Variants in HCN1 observed in about 807,000 individuals in gnomAD.
HCN1 encodes the protein potassium/sodium hyperpolarization-activated cyclic nucleotide-gated channel 1.
In HCN1, 13 loss-of-function variants were observed where a neutral mutation model predicts 78.9. The observed-to-expected ratio is 0.16, with a 90% confidence interval of 0.11 to 0.26. The LOEUF is 0.26. HCN1 is among the 10% of genes least tolerant of loss of function. The pLI is 1.00. For synonymous variants in HCN1, 552 were observed against 455.5 expected (o/e 1.21, Z -2.70); for missense variants, 810 against 1,154.3 (o/e 0.70, Z 4.32).
intron 2 of HCN1, among the ~76,000 whole-genome samples, chr5:45,606,246 C>T (rs945699020): frequency 1.2e-4 from 18 of 151,850 alleles, no homozygotes; most frequent in African/African-American, 4.1e-4. Context: ...TTGTTTTAGA[C>T]AGTATAACAA....
chr5:45,306,253 G>T (rs1434471632), intron 5 of HCN1, among the ~76,000 whole-genome samples: 2 of 151,930 alleles, frequency 1.3e-5, no homozygotes, highest in African/African-American at 4.8e-5. Flanking sequence ...TTTGTACCTT[G>T]ATTTGAACTA....
At chr5:45,538,209 A>C (rs1340953324) in intron 2 of HCN1, among the ~76,000 whole-genome samples, 1 of 152,174 alleles carries the variant, frequency 6.6e-6, no homozygotes, top group East Asian at 1.9e-4. Flanking sequence ...CAATTTAGAA[A>C]TATTAAATTC....
intron 2 of HCN1, among the ~76,000 whole-genome samples, chr5:45,610,060 A>G (rs1454568043): frequency 3.9e-5 from 6 of 152,196 alleles, no homozygotes; most frequent in Non-Finnish European, 8.8e-5. Context: ...ACTCATGAAC[A>G]CAGTTTAAAT....
intron 6 of HCN1, among the ~76,000 whole-genome samples, chr5:45,287,515 T>G (rs1745291591): frequency 6.6e-6 from 1 of 152,084 alleles, no homozygotes; most frequent in Non-Finnish European, 1.5e-5. Flanking sequence ...CTTAGCACAA[T>G]GCCTGGCACA....
intron 3 of HCN1, among the ~76,000 whole-genome samples, chr5:45,453,629 C>T (rs575825412): frequency 6.6e-6 from 1 of 152,184 alleles, no homozygotes; most frequent in East Asian, 1.9e-4. Context: ...TGGGTTCATC[C>T]TTAATCCAAG....
intron 2 of HCN1, among the ~76,000 whole-genome samples, chr5:45,610,271 T>C (rs1020119410): frequency 1.3e-5 from 2 of 152,006 alleles, no homozygotes; most frequent in African/African-American, 4.8e-5. Context: ...ACAAAGGACA[T>C]TGAAGTAAAT....
chr5:45,392,158 G>C (rs999882860), intron 4 of HCN1, among the ~76,000 whole-genome samples: 1 of 152,096 alleles, frequency 6.6e-6, no homozygotes, highest in East Asian at 1.9e-4. Context: ...TATTGCAAAT[G>C]GGATTTGAAT....
chr5:45,332,950 T>C (rs1262628025), intron 5 of HCN1, among the ~76,000 whole-genome samples: 2 of 151,802 alleles, frequency 1.3e-5, no homozygotes, highest in Non-Finnish European at 2.9e-5. Context: ...GCAACAAACA[T>C]GGAAGTGCAG....
At chr5:45,282,583 C>T (rs1745190492) in intron 6 of HCN1, among the ~76,000 whole-genome samples, 1 of 152,154 alleles carries the variant, frequency 6.6e-6, no homozygotes, top group South Asian at 2.1e-4. Flanking sequence ...TTTCAAATTC[C>T]TTAATCTGGC....
intron 6 of HCN1, among the ~76,000 whole-genome samples, chr5:45,282,803 A>G (rs781592239): frequency 2.0e-5 from 3 of 152,132 alleles, no homozygotes; most frequent in Non-Finnish European, 2.9e-5. Flanking sequence ...TCTTTTCTTC[A>G]GTGTGTAGTG....
chr5:45,479,932 T>G (rs1741611495), intron 2 of HCN1, among the ~76,000 whole-genome samples: 1 of 152,176 alleles, frequency 6.6e-6, no homozygotes, highest in Non-Finnish European at 1.5e-5. Context: ...AAAAACAGAT[T>G]AAGCTTTCCA....
At position 45,549,790 on chromosome 5, in the gene HCN1, C is replaced by T. The variant is rs932014525; in HGVS notation, c.850-87783G>A. On this transcript the variant is annotated intron_variant, in intron 2 of 7. Coordinates refer to ENST00000303230, the MANE Select transcript of HCN1 (RefSeq NM_021072.4). Reference sequence around the variant, plus strand: ...ATCCAGAATCTACAAAGAACTCAAACAAATTTACAAGAAAAAAGCAAACAA... The same window carrying T: ...ATCCAGAATCTACAAAGAACTCAAATAAATTTACAAGAAAAAAGCAAACAA... Among the ~76,000 whole-genome samples, 5 of 152,208 alleles carry T rather than the reference C, an allele frequency of 3.3e-5. No homozygotes were observed. The South Asian group carries it at 1.0e-3, about 32-fold the overall frequency.
chr5:45,492,026 C>T (rs1579927296), intron 2 of HCN1, among the ~76,000 whole-genome samples: 2 of 152,190 alleles, frequency 1.3e-5, no homozygotes, highest in Non-Finnish European at 2.9e-5. Context: ...TGTCCAACCT[C>T]ATCTAAAAAT....
chr5:45,483,428 T>C (rs1741694025), intron 2 of HCN1, among the ~76,000 whole-genome samples: 2 of 152,308 alleles, frequency 1.3e-5, no homozygotes, highest in South Asian at 4.1e-4. Flanking sequence ...CATCTTCTTT[T>C]GAGAAGTTCA....
At chr5:45,275,819 G>A (rs981028977) in intron 6 of HCN1, among the ~76,000 whole-genome samples, 1 of 151,856 alleles carries the variant, frequency 6.6e-6, no homozygotes, top group African/African-American at 2.4e-5. Context: ...AGCTAAGAAG[G>A]GTAAAACCAC....
chr5:45,356,894 G>A, intron 4 of HCN1, among the ~76,000 whole-genome samples: 1 of 151,934 alleles, frequency 6.6e-6, no homozygotes, highest in East Asian at 1.9e-4. Context: ...TTACCACAAA[G>A]CCAAATGGTG....
chr5:45,512,482 G>T (rs1399537211), intron 2 of HCN1, among the ~76,000 whole-genome samples: 1 of 151,956 alleles, frequency 6.6e-6, no homozygotes, highest in Non-Finnish European at 1.5e-5. Flanking sequence ...TAACAGATTA[G>T]TATGTATAAA....
intron 2 of HCN1, among the ~76,000 whole-genome samples, chr5:45,619,229 T>C (rs886354707): frequency 6.6e-6 from 1 of 152,060 alleles, no homozygotes; most frequent in Non-Finnish European, 1.5e-5. Context: ...TCCATTGTCT[T>C]GGAAGGGCCT....
intron 3 of HCN1, among the ~76,000 whole-genome samples, chr5:45,425,668 G>A (rs1346188064): frequency 6.6e-6 from 1 of 152,154 alleles, no homozygotes; most frequent in African/African-American, 2.4e-5. Flanking sequence ...TTGAGGAAGA[G>A]CTTTGAATTA....
Sources: allele counts gnomAD v4.1 joint callset (sites outside exome capture counted in the v4.1 genomes callset), GRCh38; gene constraint gnomAD v4.1.1; transcripts MANE v1.5; gene names NCBI Gene and HGNC (gene_info 2026-07-23, HGNC 2026-07-21).